Variants in NECTIN2 observed in about 807,000 individuals in gnomAD.
The protein encoded by NECTIN2 is nectin cell adhesion molecule 2, also known as nectin-2.
In NECTIN2, 23 loss-of-function variants were observed where a neutral mutation model predicts 56.9. The observed-to-expected ratio is 0.40, with a 90% CI of 0.29 to 0.57. NECTIN2 has a LOEUF of 0.57. Among genes scored for constraint, NECTIN2 ranks in the 20% least tolerant of loss-of-function variants. NECTIN2 has a pLI of 0.38. For missense variants in NECTIN2, 587 were observed against 718.3 expected (o/e 0.82, Z 2.09); for synonymous variants, 302 against 313.8 (o/e 0.96, Z 0.40).
chr19:44,877,819 G>A (rs1969257040), intron 5 of NECTIN2, among the ~76,000 whole-genome samples: 1 of 152,202 alleles, frequency 6.6e-6, no homozygotes, highest in East Asian at 1.9e-4. Context: ...GCTTCCACTC[G>A]GCTACGGCGA....
intron 5 of NECTIN2, chr19:44,878,296 G>A (rs1269014349): frequency 2.2e-6 from 3 of 1,389,532 alleles, no homozygotes; most frequent in African/African-American, 2.9e-5. Context: ...TGCTGGTGCT[G>A]CTGCTTCTGG....
chr19:44,887,529 C>T (rs1969374040), intron 8 of NECTIN2, among the ~76,000 whole-genome samples: 1 of 151,996 alleles, frequency 6.6e-6, no homozygotes, highest in Non-Finnish European at 1.5e-5. Context: ...CCTGTAATCC[C>T]AGCTACTTGG....
chr19:44,880,475 C>CTTT lies in NECTIN2; in HGVS notation c.1043-1708_1043-1706dup, dbSNP rs4013742. Among the ~76,000 whole-genome samples, 123 of 68,880 alleles carry CTTT rather than the reference C, an allele frequency of 1.8e-3. 23 individuals are homozygous for CTTT. Among genetic ancestry groups the CTTT allele is most frequent in the Admixed American group, 0.01 (54 of 5,262 alleles). 45.2% of individuals were successfully genotyped at this position (68,880 alleles called of 152,430 possible). ...TTCTCGACCCCTTTTCCTGTCTTGC[C>CTTT]TTTTTTTTTTTTTTTTTTTTTTTTT... On this transcript the variant is annotated intron_variant, in intron 5 of 8. Coordinates refer to ENST00000252483, the MANE Select transcript of NECTIN2 (RefSeq NM_001042724.2).
Position 44,848,088 on chromosome 19 carries a change from C to A in NECTIN2, c.88+1475C>A, listed in dbSNP as rs553947455. Among the ~76,000 whole-genome samples the A allele has an allele frequency of 3.3e-5, 5 of 152,290 alleles. No homozygotes were observed. In the East Asian group the frequency reaches 9.7e-4, roughly 29 times the overall value. On this transcript the variant is annotated intron_variant, in intron 1 of 8. Transcript: ENST00000252483. ...CAGGGGGATCTTGGGGGAACCCCGGCCACCTCTCTGGCCTCATTTCCCCCA... is the reference window on the plus strand; with the variant it reads ...CAGGGGGATCTTGGGGGAACCCCGGACACCTCTCTGGCCTCATTTCCCCCA...
At chr19:44,886,288 A>C in intron 8 of NECTIN2, 69 bp downstream of exon 8, 1 of 1,284,636 alleles carries the variant, frequency 7.8e-7, no homozygotes, top group East Asian at 2.3e-5. Context: ...CAGGCCTGGC[A>C]AAAGAGGTCA....
In NECTIN2 at chr19:44,874,470, T is replaced by C; in HGVS notation, c.1034T>C (p.Phe345Ser). The C allele has an allele frequency of 6.2e-7, 1 of 1,613,560 alleles. No homozygotes were observed. The highest frequency in any genetic ancestry group is 8.5e-7 in the Non-Finnish European group (1 of 1,180,012). ...VGMGRAEQVIFVRETPNTAGA... is the reference protein window; with the variant it reads ...VGMGRAEQVISVRETPNTAGA... ...ATGGGCCGCGCTGAGCAGGTCATCT[T>C]TGTCCGAGGTGAGTGGGTCTTGGGG... Residue 345 changes from phenylalanine (F) to serine (S), a missense_variant, in exon 5 of 9, where the codon TTT becomes TCT. Phe to Ser is a radical substitution (Grantham distance 155). Coordinates refer to ENST00000252483, the MANE Select transcript of NECTIN2 (RefSeq NM_001042724.2). This position sits in a 1 kb window ranked among gnomAD's most constrained non-coding sequence, Gnocchi z 6.3.
chr19:44,868,142 G>A (rs1336194166), intron 2 of NECTIN2, among the ~76,000 whole-genome samples: 2 of 151,622 alleles, frequency 1.3e-5, no homozygotes, highest in Admixed American at 6.6e-5. Context: ...TGGGCAGATC[G>A]CTTTGAGGTC....
chr19:44,867,931 C>T (rs41290102), intron 2 of NECTIN2, among the ~76,000 whole-genome samples: 2,138 of 151,770 alleles, frequency 0.014, 30 homozygotes, highest in South Asian at 0.047. Context: ...GGAGCTGGGA[C>T]GAGAGGGGAG....
rs77533132 is a variant in NECTIN2 at position 44,877,680 on chromosome 19, G to A, written c.1042+3202G>A. ...TGAAACCCAGCTGTCCTCCCCCGAG[G>A]GGGTGTGGCCCCCAAGCTCATAGCT... On this transcript the variant is annotated intron_variant, in intron 5 of 8. Coordinates refer to ENST00000252483, the MANE Select transcript of NECTIN2 (RefSeq NM_001042724.2). Among the ~76,000 whole-genome samples, 91 of 152,318 alleles carry A rather than the reference G, an allele frequency of 6.0e-4. 1 individual carries two copies. The highest frequency in any genetic ancestry group is 1.9e-3 in the African/African-American group (81 of 41,564).
rs1969221210 is a variant in NECTIN2 at position 44,875,080 on chromosome 19, G to C, written c.1042+602G>C. ...CTCCTGTCAGAGCCACAGCTGGCAG[G>C]ATCCACAGCCACAGACACTCCCTGT... On this transcript the variant is annotated intron_variant, in intron 5 of 8. Coordinates refer to ENST00000252483, the MANE Select transcript of NECTIN2 (RefSeq NM_001042724.2). This position sits in a 1 kb window ranked among gnomAD's most constrained non-coding sequence, Gnocchi z 4.2. Among the ~76,000 whole-genome samples the C allele has an allele frequency of 1.3e-5, 2 of 152,130 alleles. No individual in the cohort carries two copies. Among genetic ancestry groups the C allele is most frequent in the Admixed American group, 1.3e-4 (2 of 15,274 alleles).
intron 1 of NECTIN2, among the ~76,000 whole-genome samples, chr19:44,853,321 C>G (rs989433796): frequency 2.7e-5 from 4 of 150,076 alleles, no homozygotes; most frequent in Non-Finnish European, 5.9e-5. Context: ...CTCAGCCTCC[C>G]GAGTAGCTGG....
chr19:44,875,401 G>A lies in NECTIN2; in HGVS notation c.1042+923G>A, dbSNP rs879256102. ...CTGCCTCAGCCTCCTGAGTAGCTGGGACTATATGCGCTCACCACCAAACCC... is the reference window on the plus strand; with the variant it reads ...CTGCCTCAGCCTCCTGAGTAGCTGGAACTATATGCGCTCACCACCAAACCC... On this transcript the variant is annotated intron_variant, in intron 5 of 8. Coordinates refer to ENST00000252483, the MANE Select transcript of NECTIN2 (RefSeq NM_001042724.2). This position sits in a 1 kb window ranked among gnomAD's most constrained non-coding sequence, Gnocchi z 4.2. Among the ~76,000 whole-genome samples, 4 of 152,090 alleles carry A rather than the reference G, an allele frequency of 2.6e-5. No homozygotes were observed. The highest frequency in any genetic ancestry group is 5.9e-5 in the Non-Finnish European group (4 of 68,020).
chr19:44,874,577 C>T lies in NECTIN2; in HGVS notation c.1042+99C>T, dbSNP rs746116971. The stretch of plus-strand genomic sequence containing the variant: ...GCTGCACTGGGGGAGGCTGCGCCGC[C>T]GACCTGGGAGGGATGCAGACCTGCC... On this transcript the variant is annotated intron_variant, in intron 5 of 8. Coordinates refer to ENST00000252483, the MANE Select transcript of NECTIN2 (RefSeq NM_001042724.2). This position sits in a 1 kb window ranked among gnomAD's most constrained non-coding sequence, Gnocchi z 6.3. 41 of 1,473,416 alleles carry T rather than the reference C, an allele frequency of 2.8e-5. No homozygotes were observed. The highest frequency in any genetic ancestry group is 3.3e-5 in the Non-Finnish European group (36 of 1,081,022). The allele number at this position is 1,473,416 out of a possible 1,614,324, so 91.3% of individuals were successfully genotyped here.
chr19:44,863,344 CTGCAGTCCCAGCCACTCAAGT>C (rs1319489356), intron 1 of NECTIN2, among the ~76,000 whole-genome samples: 1 of 151,872 alleles, frequency 6.6e-6, no homozygotes, highest in African/African-American at 2.4e-5. Context: ...TGGCACATGC[CTGCAGTCCCAGCCACTCAAGT>C]TGCAGTGAGC....
rs975142847 is a variant in NECTIN2 at position 44,874,765 on chromosome 19, G to C, written c.1042+287G>C. The C allele has an allele frequency of 2.8e-6, 1 of 360,052 alleles. No individual in the cohort carries two copies. Among genetic ancestry groups the C allele is most frequent in the Non-Finnish European group, 5.3e-6 (1 of 189,408 alleles). The allele number at this position is 360,052 out of a possible 1,614,324, so 22.3% of individuals were successfully genotyped here. Reference sequence around the variant, plus strand: ...GGGTAGGGTCCTCACGAATAGACCCGAGGAAGCTGCCCTGGGCTCCAGCTC... The same window carrying C: ...GGGTAGGGTCCTCACGAATAGACCCCAGGAAGCTGCCCTGGGCTCCAGCTC... On this transcript the variant is annotated intron_variant, in intron 5 of 8. Coordinates refer to ENST00000252483, the MANE Select transcript of NECTIN2 (RefSeq NM_001042724.2). The surrounding 1 kb of genome is among the most constrained non-coding windows in gnomAD (Gnocchi z 6.3).
At chr19:44,864,012 T>TCCCC (rs1555786362) in intron 1 of NECTIN2, among the ~76,000 whole-genome samples, 76 of 146,610 alleles carry the variant, frequency 5.2e-4, no homozygotes, top group East Asian at 2.4e-3. Context: ...TTCAGAGGAT[T>TCCCC]CCCCCCCCCC....
At chr19:44,855,435 GA>G (rs943153117) in intron 1 of NECTIN2, among the ~76,000 whole-genome samples, 3 of 151,148 alleles carry the variant, frequency 2.0e-5, no homozygotes, top group African/African-American at 4.9e-5. Context: ...AAAAAAAAAA[GA>G]AAAAAACTCT....
chr19:44,865,463 C>G lies in NECTIN2; in HGVS notation c.281C>G (p.Pro94Arg). The G allele has an allele frequency of 6.2e-7, 1 of 1,613,886 alleles. No homozygotes were observed. ...AFHPKMGPSF[P>R]SPKPGSERLS... Reference sequence around the variant, plus strand: ...CACCCTAAGATGGGTCCCAGCTTCCCCAGCCCGAAGCCTGGCAGCGAGCGG... The same window carrying G: ...CACCCTAAGATGGGTCCCAGCTTCCGCAGCCCGAAGCCTGGCAGCGAGCGG... The change falls in exon 2 of 9, where the codon CCC (proline) becomes CGC (arginine). Residue 94 changes from proline (P) to arginine (R), a missense_variant. Physicochemically the swap from Pro to Arg is moderately radical, Grantham distance 103. Transcript: ENST00000252483. The surrounding 1 kb of genome is among the most constrained non-coding windows in gnomAD (Gnocchi z 5.2).
intron 2 of NECTIN2, among the ~76,000 whole-genome samples, chr19:44,867,599 A>G (rs1331413919): frequency 1.3e-5 from 2 of 152,190 alleles, no homozygotes; most frequent in African/African-American, 4.8e-5. Flanking sequence ...CAAGTCCTGG[A>G]GTCTGAGAAG....
Sources: gnomAD v4.1 joint callset for allele counts (sites outside exome capture counted in the v4.1 genomes callset) on GRCh38, gnomAD v4.1.1 for gene constraint, Gnocchi (gnomAD v3.1) non-coding constraint, MANE v1.5 for transcripts, NCBI Gene and HGNC (gene_info 2026-07-23, HGNC 2026-07-21) for gene names.